The following BICDL1 variants were observed in gnomAD, a reference collection of about 807,000 sequenced individuals.
The protein encoded by BICDL1 is BICD family like cargo adaptor 1.
A neutral mutation model predicts 76.8 loss-of-function variants in BICDL1; 20 were observed. The ratio of observed to expected loss-of-function variants is 0.26; its 90% CI spans 0.18 to 0.38. BICDL1 has a LOEUF of 0.38. Ranked by LOEUF, BICDL1 falls within the 10% of genes least tolerant of loss-of-function variation. The pLI, the probability that BICDL1 is intolerant of heterozygous loss-of-function variation, is 1.00. For missense variants in BICDL1, 700 were observed against 798.6 expected, an observed-to-expected ratio of 0.88 and a Z score of 1.49; for synonymous variants, 383 against 337.1, an observed-to-expected ratio of 1.14 and a Z score of -1.49.
At chr12:120,023,396 A>G (rs1174231293) in intron 2 of BICDL1, among the ~76,000 whole-genome samples, 4 of 152,222 alleles carry the variant, frequency 2.6e-5, no homozygotes, top group East Asian at 1.9e-4. Context: ...AAGTAATTTA[A>G]CTCTATCCCA....
chr12:119,992,612 G>A (rs1401831129), intron 1 of BICDL1: 4 of 152,204 alleles, frequency 2.6e-5, no homozygotes, highest in South Asian at 2.1e-4. Flanking sequence ...CTCAAACTAC[G>A]GGGCTCAAGC....
intron 2 of BICDL1, among the ~76,000 whole-genome samples, chr12:120,054,443 A>G (rs1354079212): frequency 6.6e-6 from 1 of 152,182 alleles, no homozygotes. Flanking sequence ...ACTTCTACTC[A>G]GGTAAGTTTT....
chr12:120,036,594 G>A (rs1952535213), intron 2 of BICDL1, among the ~76,000 whole-genome samples: 1 of 152,132 alleles, frequency 6.6e-6, no homozygotes, highest in Non-Finnish European at 1.5e-5. Flanking sequence ...GTGAATCTTA[G>A]GTCAGGCACA....
chr12:120,087,629 G>C (rs1874537550), intron 8 of BICDL1, among the ~76,000 whole-genome samples: 1 of 152,216 alleles, frequency 6.6e-6, no homozygotes. Context: ...GTGCTTAAGG[G>C]AGCGATTAAT....
At chr12:120,033,663 A>G (rs1952475399) in intron 2 of BICDL1, among the ~76,000 whole-genome samples, 1 of 152,154 alleles carries the variant, frequency 6.6e-6, no homozygotes, top group Non-Finnish European at 1.5e-5. Context: ...CTGGGATTAC[A>G]GGCATGAGCC....
At chr12:120,040,461 C>G (rs1266596080) in intron 2 of BICDL1, among the ~76,000 whole-genome samples, 1 of 152,002 alleles carries the variant, frequency 6.6e-6, no homozygotes, top group South Asian at 2.1e-4. Flanking sequence ...AGGTTTGGCT[C>G]TATCGCCCAG....
intron 6 of BICDL1, among the ~76,000 whole-genome samples, chr12:120,073,740 C>T (rs184222402): frequency 6.6e-6 from 1 of 152,290 alleles, no homozygotes; most frequent in Admixed American, 6.5e-5. Context: ...GCTGTTCTGT[C>T]TGACCATGCC....
intron 2 of BICDL1, among the ~76,000 whole-genome samples, chr12:120,004,002 A>G (rs190740262): frequency 6.8e-4 from 103 of 152,202 alleles, no homozygotes; most frequent in African/African-American, 2.4e-3. Context: ...CATGCTCCAC[A>G]TGGTCTGTAG....
At chr12:120,058,334 A>G (rs564179826) in intron 2 of BICDL1, among the ~76,000 whole-genome samples, 1 of 152,330 alleles carries the variant, frequency 6.6e-6, no homozygotes, top group South Asian at 2.1e-4. Flanking sequence ...CGCTTTGAGA[A>G]GAGGTAGTCT....
intron 8 of BICDL1, 108 bp downstream of exon 8, chr12:120,081,125 A>T: frequency 8.1e-7 from 1 of 1,227,600 alleles, no homozygotes; most frequent in Non-Finnish European, 1.1e-6. Flanking sequence ...CAAAGGTAAA[A>T]GTTAGTTTCC....
At position 120,040,599 on chromosome 12, in the gene BICDL1, G is replaced by A. The variant is rs563198398; in HGVS notation, c.646-21111G>A. 2.0e-5 allele frequency among the ~76,000 whole-genome samples: 3 copies of A among 151,884 alleles called. No individual in the cohort carries two copies. In the East Asian group the frequency reaches 5.8e-4, roughly 29 times the overall value. ...CCCGGCTAATTTTTTTGTATTTCTT[G>A]TAGAGACAGTTTTACCATGTTGCCC... On this transcript the variant is annotated intron_variant, in intron 2 of 9. Transcript: ENST00000548673.
rs375531501 is a variant in BICDL1, at chr12:120,072,675, C to T, written c.1254C>T (p.Ala418=). 6.2e-7 allele frequency: 1 copy of T among 1,614,012 alleles called. No homozygotes were observed. Among genetic ancestry groups the T allele is most frequent in the Non-Finnish European group, 8.5e-7 (1 of 1,180,042 alleles). The part of the protein sequence containing the change: ...KDVPAGSLRT[A]LNELKRLIQS... Reference sequence around the variant, plus strand: ...TGCCAGCCGGCAGCTTGCGCACTGCCCTCAATGAGCTCAAGAGACTGATAC... The same window carrying T: ...TGCCAGCCGGCAGCTTGCGCACTGCTCTCAATGAGCTCAAGAGACTGATAC... The change falls in exon 6 of 10, where the codon GCC becomes GCT. Residue 418 remains alanine, a synonymous_variant. Transcript: ENST00000548673.
chr12:120,039,119 A>G (rs923192161), intron 2 of BICDL1, among the ~76,000 whole-genome samples: 17 of 151,924 alleles, frequency 1.1e-4, no homozygotes, highest in African/African-American at 3.6e-4. Context: ...CAACATGGTG[A>G]AACCCCATCT....
chr12:120,011,716 A>C (rs1267410644), intron 2 of BICDL1, among the ~76,000 whole-genome samples: 1 of 152,214 alleles, frequency 6.6e-6, no homozygotes, highest in Non-Finnish European at 1.5e-5. Flanking sequence ...ATTAACTGTT[A>C]TAATACATAA....
chr12:119,996,151 C>T (rs547129142), intron 1 of BICDL1, among the ~76,000 whole-genome samples: 15 of 152,266 alleles, frequency 9.9e-5, no homozygotes, highest in East Asian at 3.9e-4. Flanking sequence ...CAGATACACT[C>T]GAGTGGCTAT....
intron 2 of BICDL1, among the ~76,000 whole-genome samples, chr12:120,007,630 T>C (rs1951874544): frequency 6.6e-6 from 1 of 152,228 alleles, no homozygotes; most frequent in Admixed American, 6.5e-5. Flanking sequence ...AGAATACAGT[T>C]TGCATACTAG....
rs1440131456 is a variant in BICDL1 at position 120,079,366 on chromosome 12, G to A, written c.1453-1521G>A. Among the ~76,000 whole-genome samples the A allele has an allele frequency of 6.6e-6, 1 of 152,154 alleles. No individual in the cohort carries two copies. The highest frequency in any genetic ancestry group is 1.5e-5 in the Non-Finnish European group (1 of 68,024). ...AAGATCAAGGGAAGCTTGATCTTCAGCCTTACACCTGGGGCCTTTGCTCAG... is the reference window on the plus strand; with the variant it reads ...AAGATCAAGGGAAGCTTGATCTTCAACCTTACACCTGGGGCCTTTGCTCAG... On this transcript the variant is annotated intron_variant, in intron 7 of 9. Coordinates refer to ENST00000548673, the MANE Select transcript of BICDL1 (RefSeq NM_001367886.1). The surrounding 1 kb of genome is among the most constrained non-coding windows in gnomAD (Gnocchi z 4.3).
intron 4 of BICDL1, among the ~76,000 whole-genome samples, chr12:120,066,782 T>A (rs1953231362): frequency 6.6e-6 from 1 of 152,256 alleles, no homozygotes; most frequent in Non-Finnish European, 1.5e-5. Flanking sequence ...AGAAAGTCCT[T>A]TCTGTTGCTA....
At chr12:120,023,326 C>T (rs1952220760) in intron 2 of BICDL1, among the ~76,000 whole-genome samples, 1 of 152,190 alleles carries the variant, frequency 6.6e-6, no homozygotes, top group African/African-American at 2.4e-5. Flanking sequence ...CTAAACAGTA[C>T]TTCTCTGGGC....
Sources: allele counts gnomAD v4.1 joint callset (sites outside exome capture counted in the v4.1 genomes callset), GRCh38; gene constraint gnomAD v4.1.1; non-coding constraint Gnocchi (gnomAD v3.1); transcripts MANE v1.5; gene names NCBI Gene and HGNC (gene_info 2026-07-23, HGNC 2026-07-21).